THNSL1: variants seen among roughly 807,000 people sequenced by gnomAD.
THNSL1 encodes threonine synthase-like 1.
Under a neutral mutation model 50.4 loss-of-function variants are expected in THNSL1, and 48 were observed. The ratio of observed to expected loss-of-function variants is 0.95; its 90% CI spans 0.76 to 1.21. THNSL1 has a LOEUF of 1.21. THNSL1 is among the 50% of genes most tolerant of loss of function. The pLI, the probability that THNSL1 is intolerant of heterozygous loss-of-function variation, is 0.00. For synonymous variants in THNSL1, 309 were observed against 306.1 expected (o/e 1.01, Z -0.10); for missense variants, 896 against 871.7 (o/e 1.03, Z -0.35).
chr10:25,020,274 C>CTATATCTATATCTATATT (rs553626076), intron 1 of THNSL1, among the ~76,000 whole-genome samples: 2 of 97,368 alleles, frequency 2.1e-5, no homozygotes, highest in African/African-American at 5.7e-5. Flanking sequence ...ATATCTATAT[C>CTATATCTATATCTATATT]TATATATATC....
the THNSL1 span, among the ~76,000 whole-genome samples, chr10:24,958,809 C>T: frequency 6.6e-6 from 1 of 152,174 alleles, no homozygotes; most frequent in Admixed American, 6.5e-5. Flanking sequence ...AAGCGCTGGG[C>T]AGTTTCAGAG....
the THNSL1 span, among the ~76,000 whole-genome samples, chr10:25,000,471 T>G: frequency 6.6e-6 from 1 of 152,168 alleles, no homozygotes; most frequent in East Asian, 1.9e-4. Context: ...AAATAGTTTT[T>G]GCTTTATGTA....
Position 25,024,665 on chromosome 10 carries a change from T to A in THNSL1, c.1442T>A (p.Val481Asp), listed in dbSNP as rs118080271. 1 of 1,614,224 alleles carries A rather than the reference T, an allele frequency of 6.2e-7. No homozygotes were observed. The highest frequency in any genetic ancestry group is 8.5e-7 in the Non-Finnish European group (1 of 1,180,022). ...TGGGGCCGACTACTTCCGCAGGTAG[T>A]TTATCATGCTTCCGCATATCTTGAT... ...INWGRLLPQV[V>D]YHASAYLDLV... The change falls in exon 3 of 3, where the codon GTT becomes GAT. Residue 481 changes from valine (V) to aspartate (D), a missense_variant. Coordinates refer to ENST00000376356, the MANE Select transcript of THNSL1 (RefSeq NM_024838.5).
the THNSL1 span, among the ~76,000 whole-genome samples, chr10:24,955,493 C>T: frequency 2.0e-5 from 3 of 152,204 alleles, no homozygotes; most frequent in African/African-American, 4.8e-5. Context: ...TTATTCTCTA[C>T]TGCATATGAT....
chr10:24,960,048 C>T, the THNSL1 span, among the ~76,000 whole-genome samples: 10 of 152,030 alleles, frequency 6.6e-5, no homozygotes, highest in African/African-American at 2.2e-4. Context: ...ACCTCCATCC[C>T]CCACCCCCTT....
the THNSL1 span, chr10:24,990,553 G>C: frequency 1.2e-6 from 2 of 1,613,600 alleles, no homozygotes; most frequent in East Asian, 2.2e-5. Flanking sequence ...AGTCTTCTTG[G>C]GCTTTCTTTA....
the THNSL1 span, among the ~76,000 whole-genome samples, chr10:25,001,382 C>A: frequency 6.7e-6 from 1 of 150,288 alleles, no homozygotes; most frequent in South Asian, 2.1e-4. Flanking sequence ...CTTTTTTCTA[C>A]TTGGGGTTAA....
chr10:25,024,821 C>G lies in THNSL1; in HGVS notation c.1598C>G (p.Ala533Gly), dbSNP rs143627424. The G allele has an allele frequency of 6.8e-6, 11 of 1,613,970 alleles. No individual in the cohort carries two copies. In the African/African-American group the frequency reaches 1.2e-4, roughly 18 times the overall value. Residue 533 changes from alanine (A) to glycine (G), a missense_variant, in exon 3 of 3, where the codon GCC becomes GGC. Physicochemically the swap from Ala to Gly is moderately conservative, Grantham distance 60. Transcript: ENST00000376356. ...ATCCCGATTCGAAAATTTATCTGTG[C>G]CTCTAATCAGAACCATGTTTTGACT... ...MGIPIRKFIC[A>G]SNQNHVLTDF...
chr10:24,989,950 T>C, the THNSL1 span, among the ~76,000 whole-genome samples: 1 of 152,150 alleles, frequency 6.6e-6, no homozygotes, highest in Non-Finnish European at 1.5e-5. Context: ...TAAATATATC[T>C]TTAAGTCTAT....
At chr10:25,020,666 A>G (rs192017521) in intron 1 of THNSL1, among the ~76,000 whole-genome samples, 1 of 151,956 alleles carries the variant, frequency 6.6e-6, no homozygotes, top group Non-Finnish European at 1.5e-5. Flanking sequence ...ACCTGAGCCC[A>G]GGAGGTTGAG....
rs1001175766 is a variant in THNSL1 at position 25,021,813 on chromosome 10, A to G, written c.-144A>G. ...CTTCAGATTGGTTCCGGTGTGTCCT[A>G]TGTTTACAAGTCAGTGGAAATTAAG... On this transcript the variant is annotated 5_prime_UTR_variant, in exon 2 of 3. It removes an upstream start codon present in the reference 5' UTR. Transcript: ENST00000376356. 1 of 152,168 alleles carries G rather than the reference A, an allele frequency of 6.6e-6. No homozygotes were observed. The highest frequency in any genetic ancestry group is 2.4e-5 in the African/African-American group (1 of 41,450). The allele number at this position is 152,168 out of a possible 1,614,324, so 9.4% of individuals were successfully genotyped here.
the THNSL1 span, among the ~76,000 whole-genome samples, chr10:24,968,810 T>C: frequency 6.6e-6 from 1 of 152,252 alleles, no homozygotes; most frequent in Non-Finnish European, 1.5e-5. Context: ...CAGAGCTTGC[T>C]ACCTTTGGAG....
the THNSL1 span, among the ~76,000 whole-genome samples, chr10:25,009,560 G>A: frequency 2.6e-5 from 4 of 152,210 alleles, no homozygotes; most frequent in African/African-American, 7.2e-5. Flanking sequence ...ACACTCAAAA[G>A]TATTGCTATC....
the THNSL1 span, chr10:24,984,273 A>G: frequency 7.3e-7 from 1 of 1,365,688 alleles, no homozygotes. Flanking sequence ...TGGAGCTCAG[A>G]AACAATGTGT....
At chr10:24,952,828 C>T in the THNSL1 span, among the ~76,000 whole-genome samples, 2 of 151,660 alleles carry the variant, frequency 1.3e-5, no homozygotes, top group Non-Finnish European at 2.9e-5. This position sits in a 1 kb window ranked among gnomAD's most constrained non-coding sequence, Gnocchi z 5.1. Context: ...GCTACCGCTC[C>T]CCCTGAGCGC....
chr10:25,010,658 T>C, the THNSL1 span, among the ~76,000 whole-genome samples: 6 of 146,880 alleles, frequency 4.1e-5, no homozygotes, highest in Non-Finnish European at 6.0e-5. Context: ...TGTGTTCTCA[T>C]TGTTCAATTC....
intron 2 of THNSL1, among the ~76,000 whole-genome samples, chr10:25,022,496 C>G (rs940352828): frequency 6.6e-6 from 1 of 152,092 alleles, no homozygotes; most frequent in African/African-American, 2.4e-5. Flanking sequence ...CTTTTTAAAG[C>G]CTTCAATATG....
the THNSL1 span, among the ~76,000 whole-genome samples, chr10:24,981,698 C>CTG: frequency 6.6e-6 from 1 of 152,192 alleles, no homozygotes. Flanking sequence ...TCTCATAACT[C>CTG]TACAGATCAT....
chr10:24,986,581 T>C, the THNSL1 span, among the ~76,000 whole-genome samples: 2 of 152,204 alleles, frequency 1.3e-5, no homozygotes, highest in African/African-American at 4.8e-5. Context: ...TCTATGTATT[T>C]GTACATTTGC....
Sources: gnomAD v4.1 joint callset for allele counts (sites outside exome capture counted in the v4.1 genomes callset) on GRCh38, gnomAD v4.1.1 for gene constraint, Gnocchi (gnomAD v3.1) non-coding constraint, MANE v1.5 for transcripts, NCBI Gene and HGNC (gene_info 2026-07-23, HGNC 2026-07-21) for gene names.